Variants in NPAS3 observed in about 807,000 individuals in gnomAD.
NPAS3 encodes neuronal PAS domain protein 3.
Under a neutral mutation model 73.1 loss-of-function variants are expected in NPAS3, and 14 were observed. The observed-to-expected ratio is 0.19, with a 90% CI of 0.13 to 0.30. The LOEUF (loss-of-function observed/expected upper bound fraction) is 0.30. NPAS3 is among the 10% of genes least tolerant of loss of function. The probability of loss-of-function intolerance (pLI) is 1.00; values close to 1 mark genes in which losing one functional copy is unlikely to be tolerated. For synonymous variants in NPAS3, 620 were observed against 541.5 expected, an observed-to-expected ratio of 1.14 and a Z score of -2.01; for missense variants, 1,096 against 1,250.0, an observed-to-expected ratio of 0.88 and a Z score of 1.86.
intron 4 of NPAS3, among the ~76,000 whole-genome samples, chr14:33,535,901 C>T (rs1273226245): frequency 6.6e-6 from 1 of 152,150 alleles, no homozygotes; most frequent in South Asian, 2.1e-4. Flanking sequence ...GACCCAGCCA[C>T]GCTCTCTGCC....
chr14:33,366,882 T>A (rs994636287), intron 3 of NPAS3, among the ~76,000 whole-genome samples: 9 of 152,188 alleles, frequency 5.9e-5, no homozygotes, highest in African/African-American at 2.2e-4. Context: ...CTAATTTATT[T>A]TAAAGGAACC....
chr14:33,249,122 T>G (rs913416214), intron 3 of NPAS3, among the ~76,000 whole-genome samples: 1 of 152,148 alleles, frequency 6.6e-6, no homozygotes, highest in Non-Finnish European at 1.5e-5. Flanking sequence ...AATTTAAATC[T>G]TTATAGAGAC....
At chr14:33,797,283 A>G (rs1425262472) in intron 10 of NPAS3, among the ~76,000 whole-genome samples, 174 bp from the exon 11 acceptor site, 2 of 152,266 alleles carry the variant, frequency 1.3e-5, no homozygotes, top group African/African-American at 2.4e-5. Flanking sequence ...GCCTTGGCAC[A>G]TGCAAGCCAA....
chr14:33,191,790 A>G (rs1281526362), intron 2 of NPAS3, among the ~76,000 whole-genome samples: 1 of 152,242 alleles, frequency 6.6e-6, no homozygotes, highest in Non-Finnish European at 1.5e-5. Context: ...TACTTATGAG[A>G]GTGGCAGATG....
At chr14:33,161,667 T>C (rs1486115658) in intron 2 of NPAS3, among the ~76,000 whole-genome samples, 1 of 152,170 alleles carries the variant, frequency 6.6e-6, no homozygotes, top group African/African-American at 2.4e-5. Context: ...AAGAGGATAA[T>C]GAGAGAGATC....
intron 2 of NPAS3, among the ~76,000 whole-genome samples, chr14:33,058,113 T>G (rs2040954524): frequency 6.8e-6 from 1 of 146,404 alleles, no homozygotes; most frequent in African/African-American, 2.6e-5. Flanking sequence ...CCTAGAAGAT[T>G]GAAATGTATT....
intron 4 of NPAS3, among the ~76,000 whole-genome samples, chr14:33,498,487 A>G (rs1469717576): frequency 6.6e-6 from 1 of 152,182 alleles, no homozygotes; most frequent in African/African-American, 2.4e-5. Flanking sequence ...TGTGGCACAT[A>G]TACACCGTGG....
At chr14:33,287,215 T>A (rs2041913446) in intron 3 of NPAS3, among the ~76,000 whole-genome samples, 1 of 152,240 alleles carries the variant, frequency 6.6e-6, no homozygotes, top group Non-Finnish European at 1.5e-5. Flanking sequence ...TTCTTCTTTT[T>A]ATTGTATGGG....
At chr14:33,168,133 T>G (rs1268950181) in intron 2 of NPAS3, among the ~76,000 whole-genome samples, 5 of 152,222 alleles carry the variant, frequency 3.3e-5, no homozygotes, top group Non-Finnish European at 5.9e-5. Flanking sequence ...AGCCCAAGAT[T>G]GCATACGGAA....
At chr14:33,121,808 A>C (rs1034800970) in intron 2 of NPAS3, among the ~76,000 whole-genome samples, 3 of 152,182 alleles carry the variant, frequency 2.0e-5, no homozygotes, top group Non-Finnish European at 4.4e-5. Flanking sequence ...AGAAGCTGGT[A>C]CACCTGAGAA....
intron 4 of NPAS3, among the ~76,000 whole-genome samples, chr14:33,537,131 T>A (rs1213352910): frequency 6.6e-6 from 1 of 152,172 alleles, no homozygotes; most frequent in Non-Finnish European, 1.5e-5. Context: ...TCCCCCTCCA[T>A]GTAGACAATG....
At chr14:33,040,735 T>A (rs1163966274) in intron 1 of NPAS3, among the ~76,000 whole-genome samples, 3 of 152,196 alleles carry the variant, frequency 2.0e-5, no homozygotes, top group African/African-American at 7.2e-5. Flanking sequence ...TATACCTAAG[T>A]CTTCTAACCT....
intron 4 of NPAS3, among the ~76,000 whole-genome samples, chr14:33,449,583 T>A (rs1490771047): frequency 1.3e-5 from 2 of 151,978 alleles, no homozygotes; most frequent in Non-Finnish European, 2.9e-5. Flanking sequence ...AACCACTTTA[T>A]AGCATAAATA....
intron 5 of NPAS3, among the ~76,000 whole-genome samples, chr14:33,673,947 G>A (rs1012275962): frequency 1.3e-5 from 2 of 152,184 alleles, no homozygotes; most frequent in African/African-American, 4.8e-5. Flanking sequence ...TAAACACTAT[G>A]ATAGTGTCAA....
intron 5 of NPAS3, among the ~76,000 whole-genome samples, chr14:33,674,062 T>C (rs542690136): frequency 1.3e-5 from 2 of 152,312 alleles, no homozygotes; most frequent in Non-Finnish European, 2.9e-5. Flanking sequence ...CCTAGTGCTC[T>C]GTGGCACATC....
chr14:33,342,818 T>C (rs1345194073), intron 3 of NPAS3, among the ~76,000 whole-genome samples: 1 of 152,158 alleles, frequency 6.6e-6, no homozygotes, highest in Non-Finnish European at 1.5e-5. Context: ...TGAATTATTT[T>C]TCAATGAGAA....
chr14:33,697,378 T>C (rs2060413084), intron 6 of NPAS3, among the ~76,000 whole-genome samples: 1 of 152,184 alleles, frequency 6.6e-6, no homozygotes, highest in Non-Finnish European at 1.5e-5. Context: ...TTGTTCTTGA[T>C]TAGGATGATC....
chr14:33,487,067 T>C (rs1351562359), intron 4 of NPAS3, among the ~76,000 whole-genome samples: 1 of 152,194 alleles, frequency 6.6e-6, no homozygotes, highest in East Asian at 1.9e-4. Context: ...AATTGGTACG[T>C]ATTTCTTACA....
intron 4 of NPAS3, among the ~76,000 whole-genome samples, chr14:33,451,503 A>G (rs2049788500): frequency 6.6e-6 from 1 of 152,226 alleles, no homozygotes; most frequent in Non-Finnish European, 1.5e-5. Flanking sequence ...TGGTGTCCAG[A>G]AACTGTTACT....
Sources: gnomAD v4.1 joint callset for allele counts (sites outside exome capture counted in the v4.1 genomes callset) on GRCh38, gnomAD v4.1.1 for gene constraint, MANE v1.5 for transcripts, NCBI Gene and HGNC (gene_info 2026-07-23, HGNC 2026-07-21) for gene names.